Variants in KCND2 observed in about 807,000 individuals in gnomAD.
KCND2 encodes A-type voltage-gated potassium channel KCND2.
Under a neutral mutation model 54.4 loss-of-function variants are expected in KCND2, and 16 were observed. The observed-to-expected ratio is 0.29, with a 90% CI of 0.20 to 0.45. The LOEUF (loss-of-function observed/expected upper bound fraction) is 0.45. KCND2 is among the 20% of genes least tolerant of loss of function. The pLI is 1.00. For missense variants in KCND2, 486 were observed against 824.2 expected, an observed-to-expected ratio of 0.59 and a Z score of 5.02; for synonymous variants, 317 against 310.7, an observed-to-expected ratio of 1.02 and a Z score of -0.21.
intron 1 of KCND2, among the ~76,000 whole-genome samples, chr7:120,551,681 G>A (rs1324354685): frequency 6.6e-6 from 1 of 152,134 alleles, no homozygotes; most frequent in Admixed American, 6.5e-5. Flanking sequence ...GAGAGGTTCG[G>A]ATTTATAGCA....
chr7:120,338,892 T>G (rs937225683), intron 1 of KCND2, among the ~76,000 whole-genome samples: 1 of 151,984 alleles, frequency 6.6e-6, no homozygotes, highest in Non-Finnish European at 1.5e-5. Flanking sequence ...ACTATCTTTT[T>G]TTTTTGAGAC....
chr7:120,609,778 A>T (rs1233647647), intron 1 of KCND2, among the ~76,000 whole-genome samples: 1 of 152,178 alleles, frequency 6.6e-6, no homozygotes, highest in Non-Finnish European at 1.5e-5. Flanking sequence ...TTGTACAAAA[A>T]ATTATTTAAA....
chr7:120,523,582 TAC>T (rs1221108102), intron 1 of KCND2, among the ~76,000 whole-genome samples: 5 of 148,150 alleles, frequency 3.4e-5, no homozygotes, highest in Admixed American at 6.8e-5. Context: ...AAAAAAAACA[TAC>T]ACACACACAC....
intron 1 of KCND2, among the ~76,000 whole-genome samples, chr7:120,386,575 G>T (rs1269299574): frequency 6.6e-6 from 1 of 152,126 alleles, no homozygotes; most frequent in East Asian, 1.9e-4. Flanking sequence ...AAAAGAATTA[G>T]AATTATGACA....
intron 1 of KCND2, among the ~76,000 whole-genome samples, chr7:120,381,625 A>G (rs1305128644): frequency 6.6e-6 from 1 of 152,092 alleles, no homozygotes; most frequent in Non-Finnish European, 1.5e-5. Flanking sequence ...TGTCATTTGT[A>G]ATTTCAGTTA....
chr7:120,331,677 A>G (rs1413888381), intron 1 of KCND2, among the ~76,000 whole-genome samples: 1 of 152,102 alleles, frequency 6.6e-6, no homozygotes, highest in African/African-American at 2.4e-5. Flanking sequence ...AGTGATTATA[A>G]ACTAATATCT....
chr7:120,351,409 CA>C, intron 1 of KCND2, among the ~76,000 whole-genome samples: 1 of 142,218 alleles, frequency 7.0e-6, no homozygotes, highest in Non-Finnish European at 1.5e-5. Context: ...CACACACACA[CA>C]CACTCTCTCT....
intron 1 of KCND2, among the ~76,000 whole-genome samples, chr7:120,510,990 G>A (rs1584807707): frequency 6.7e-6 from 1 of 148,908 alleles, no homozygotes; most frequent in South Asian, 2.1e-4. Flanking sequence ...CCCATGACTT[G>A]ACACCTTTCC....
At chr7:120,649,422 T>C (rs980091650) in intron 1 of KCND2, among the ~76,000 whole-genome samples, 1 of 152,156 alleles carries the variant, frequency 6.6e-6, no homozygotes, top group Non-Finnish European at 1.5e-5. Context: ...ATGCCAACTT[T>C]AAGTACATAG....
chr7:120,555,080 A>T (rs1231067148), intron 1 of KCND2, among the ~76,000 whole-genome samples: 1 of 152,200 alleles, frequency 6.6e-6, no homozygotes, highest in Non-Finnish European at 1.5e-5. Flanking sequence ...CTGTTATTAC[A>T]TCCACCCAGG....
At chr7:120,388,068 A>G (rs1277432431) in intron 1 of KCND2, among the ~76,000 whole-genome samples, 1 of 152,052 alleles carries the variant, frequency 6.6e-6, no homozygotes, top group Non-Finnish European at 1.5e-5. Flanking sequence ...TATTGAGTCA[A>G]TTCTTGTTTG....
intron 1 of KCND2, among the ~76,000 whole-genome samples, chr7:120,693,228 G>T (rs1792293537): frequency 6.6e-6 from 1 of 152,020 alleles, no homozygotes. Flanking sequence ...TTATTTTTCT[G>T]TTGGTATATA....
At chr7:120,395,553 T>C (rs1237744725) in intron 1 of KCND2, among the ~76,000 whole-genome samples, 1 of 152,072 alleles carries the variant, frequency 6.6e-6, no homozygotes, top group East Asian at 1.9e-4. Flanking sequence ...GCAATTGTTA[T>C]TGAACGGGTA....
chr7:120,453,557 A>G (rs771094698), intron 1 of KCND2, among the ~76,000 whole-genome samples: 25 of 152,236 alleles, frequency 1.6e-4, no homozygotes, highest in Non-Finnish European at 2.6e-4. Context: ...AACCAAATTC[A>G]TACCAAACAC....
rs1490973208 is a variant in KCND2 at position 120,275,664 on chromosome 7, C to T, written c.1032C>T (p.Tyr344=). 5 of 1,604,484 alleles carry T rather than the reference C, an allele frequency of 3.1e-6. No homozygotes were observed. The South Asian group carries it at 3.3e-5, about 11-fold the overall frequency. The change falls in exon 1 of 6, where the codon TAC becomes TAT. Residue 344 remains tyrosine, a synonymous_variant. Transcript: ENST00000331113. The part of the protein sequence containing the change: ...AIIIFATVMF[Y]AEKGSSASKF... ...TCATCTTCGCTACAGTTATGTTCTA[C>T]GCAGAGAAGGGGTCTTCGGCTAGCA...
chr7:120,744,758 G>C (rs1792984673), intron 4 of KCND2, among the ~76,000 whole-genome samples: 1 of 152,048 alleles, frequency 6.6e-6, no homozygotes, highest in African/African-American at 2.4e-5. Context: ...CATATTTTAG[G>C]ATGAGAGATG....
At chr7:120,447,056 T>C (rs1435780135) in intron 1 of KCND2, among the ~76,000 whole-genome samples, 2 of 152,114 alleles carry the variant, frequency 1.3e-5, no homozygotes, top group Non-Finnish European at 2.9e-5. Flanking sequence ...TTATCCTCAT[T>C]TTATATATGA....
intron 1 of KCND2, among the ~76,000 whole-genome samples, chr7:120,568,398 AT>A (rs1340520654): frequency 6.6e-6 from 1 of 152,108 alleles, no homozygotes; most frequent in Admixed American, 6.6e-5. Context: ...CAAGAAAAAA[AT>A]ATCTTCTTGA....
chr7:120,349,715 A>G (rs1307996878), intron 1 of KCND2, among the ~76,000 whole-genome samples: 7 of 152,182 alleles, frequency 4.6e-5, no homozygotes, highest in African/African-American at 1.4e-4. Flanking sequence ...GTTATAGTCC[A>G]GATATCTTTT....
Sources: gnomAD v4.1 joint callset for allele counts (sites outside exome capture counted in the v4.1 genomes callset) on GRCh38, gnomAD v4.1.1 for gene constraint, MANE v1.5 for transcripts, NCBI Gene and HGNC (gene_info 2026-07-23, HGNC 2026-07-21) for gene names.